Variants in GALNT17 observed in about 807,000 individuals in gnomAD.
GALNT17 encodes polypeptide N-acetylgalactosaminyltransferase 17.
GALNT17 carries 29 observed loss-of-function variants against 63.7 expected under a neutral mutation model. The ratio of observed to expected loss-of-function variants is 0.46; its 90% confidence interval spans 0.34 to 0.62. The LOEUF is 0.62. Among genes scored for constraint, GALNT17 ranks in the 20% least tolerant of loss-of-function variants. The probability of loss-of-function intolerance (pLI) is 0.01; values close to 1 mark genes in which losing one functional copy is unlikely to be tolerated. For synonymous variants in GALNT17, 305 were observed against 318.3 expected (o/e 0.96, Z 0.45); for missense variants, 603 against 799.6 (o/e 0.75, Z 2.97).
intron 1 of GALNT17, among the ~76,000 whole-genome samples, chr7:71,157,639 C>T (rs1001093672): frequency 6.0e-5 from 9 of 149,860 alleles, no homozygotes; most frequent in African/African-American, 1.5e-4. Context: ...GCCTGGGTGA[C>T]GGAGTGAGAC....
chr7:71,350,214 C>T (rs904836547), intron 2 of GALNT17, among the ~76,000 whole-genome samples: 7 of 152,184 alleles, frequency 4.6e-5, no homozygotes, highest in African/African-American at 1.7e-4. Context: ...TGCACAGGTA[C>T]TATGGGAGCT....
intron 1 of GALNT17, among the ~76,000 whole-genome samples, chr7:71,137,783 T>C (rs1268428402): frequency 1.3e-5 from 2 of 152,216 alleles, no homozygotes; most frequent in Non-Finnish European, 2.9e-5. Context: ...AGTTTCAGCG[T>C]GTTTTCGTTA....
At chr7:71,335,883 G>T in intron 2 of GALNT17, 150 bp downstream of exon 2, 3 of 660,952 alleles carry the variant, frequency 4.5e-6, no homozygotes, top group Non-Finnish European at 6.5e-6. Context: ...TAGTACTCCT[G>T]TTGCATATGA....
intron 1 of GALNT17, among the ~76,000 whole-genome samples, chr7:71,144,685 G>A (rs1562859478): frequency 6.6e-6 from 1 of 152,002 alleles, no homozygotes; most frequent in South Asian, 2.1e-4. Context: ...AGAGTGAGGA[G>A]ATGGGAGGAG....
At chr7:71,558,759 A>G (rs187998750) in intron 5 of GALNT17, among the ~76,000 whole-genome samples, 2 of 152,348 alleles carry the variant, frequency 1.3e-5, no homozygotes, top group East Asian at 3.9e-4. Context: ...CCAAAAAGTA[A>G]AAGTATTATC....
intron 3 of GALNT17, among the ~76,000 whole-genome samples, chr7:71,410,448 G>A (rs753665277): frequency 2.6e-5 from 4 of 152,116 alleles, no homozygotes; most frequent in East Asian, 1.9e-4. Context: ...GTTTCACCAC[G>A]TTGGCCAGGC....
intron 6 of GALNT17, among the ~76,000 whole-genome samples, chr7:71,652,581 C>T (rs1228927552): frequency 6.6e-6 from 1 of 152,182 alleles, no homozygotes; most frequent in African/African-American, 2.4e-5. Flanking sequence ...TTAAAATATT[C>T]TCTTTGCCAG....
At chr7:71,457,136 G>C (rs972291061) in intron 5 of GALNT17, among the ~76,000 whole-genome samples, 36 of 152,194 alleles carry the variant, frequency 2.4e-4, no homozygotes, top group African/African-American at 8.2e-4. Flanking sequence ...TTTCTGTCCT[G>C]CACCTGTGAA....
intron 2 of GALNT17, among the ~76,000 whole-genome samples, chr7:71,357,893 C>T (rs140741296): frequency 4.0e-4 from 61 of 152,232 alleles, no homozygotes; most frequent in African/African-American, 1.4e-3. Context: ...CTCTGTAAAA[C>T]GCATCAATCA....
At chr7:71,233,492 T>G (rs758666430) in intron 1 of GALNT17, among the ~76,000 whole-genome samples, 7 of 152,114 alleles carry the variant, frequency 4.6e-5, no homozygotes, top group Non-Finnish European at 1.0e-4. Flanking sequence ...CAAAGAGAGA[T>G]AGAACTGCTC....
chr7:71,149,646 G>C (rs985935833), intron 1 of GALNT17, among the ~76,000 whole-genome samples: 1 of 152,146 alleles, frequency 6.6e-6, no homozygotes, highest in Non-Finnish European at 1.5e-5. Flanking sequence ...CCCATAATTA[G>C]AACAAAATGT....
chr7:71,222,755 C>T (rs191280237), intron 1 of GALNT17, among the ~76,000 whole-genome samples: 7 of 152,098 alleles, frequency 4.6e-5, no homozygotes, highest in Admixed American at 2.0e-4. Context: ...CTACTGGTGA[C>T]GTTGTTACTG....
intron 6 of GALNT17, among the ~76,000 whole-genome samples, chr7:71,588,134 A>G (rs1294562835): frequency 6.6e-6 from 1 of 152,224 alleles, no homozygotes; most frequent in African/African-American, 2.4e-5. Context: ...AAGCTAGACA[A>G]CACTGATTTT....
Position 71,194,410 on chromosome 7 carries a change from T to C in GALNT17, c.238+61370T>C, listed in dbSNP as rs147956002. Among the ~76,000 whole-genome samples the C allele has an allele frequency of 5.6e-3, 855 of 152,272 alleles. 7 individuals are homozygous for C. Among genetic ancestry groups the C allele is most frequent in the South Asian group, 0.037 (179 of 4,822 alleles). On this transcript the variant is annotated intron_variant, in intron 1 of 10. Coordinates refer to ENST00000333538, the MANE Select transcript of GALNT17 (RefSeq NM_022479.3). ...CCTGGGAAAAGGGTATATGGGATCT[T>C]AAGAAAAGGGTAGGGGAGTTAGAGC...
chr7:71,184,432 A>G (rs1788793882), intron 1 of GALNT17, among the ~76,000 whole-genome samples: 1 of 152,194 alleles, frequency 6.6e-6, no homozygotes, highest in African/African-American at 2.4e-5. Flanking sequence ...TGACCTTTCT[A>G]GAAAGCTTAT....
chr7:71,208,449 C>G (rs1299259967), intron 1 of GALNT17, among the ~76,000 whole-genome samples: 1 of 113,468 alleles, frequency 8.8e-6, no homozygotes, highest in Non-Finnish European at 1.7e-5. Flanking sequence ...TTAATAAATG[C>G]TTTTTTTTTT....
rs4717596 is a variant in GALNT17, at chr7:71,442,956, A to C, written c.962+21851A>C. Among the ~76,000 whole-genome samples, 3 of 151,958 alleles carry C rather than the reference A, an allele frequency of 2.0e-5. No homozygotes were observed. In the East Asian group the frequency reaches 5.8e-4, roughly 29 times the overall value. ...GACTCCCAGGCTCTTAAGAACTTCAACTTAAAGGAAAGAGGAGAGAAATGT... is the reference window on the plus strand; with the variant it reads ...GACTCCCAGGCTCTTAAGAACTTCACCTTAAAGGAAAGAGGAGAGAAATGT... On this transcript the variant is annotated intron_variant, in intron 5 of 10. Transcript: ENST00000333538.
chr7:71,377,114 A>AAAAAAAAATATATATATATAT, intron 2 of GALNT17, among the ~76,000 whole-genome samples: 3 of 57,466 alleles, frequency 5.2e-5, no homozygotes, highest in African/African-American at 9.4e-5. Flanking sequence ...AAATAAAAAA[A>AAAAAAAAATATATATATATAT]ATATATATAT....
At chr7:71,432,064 A>G (rs988583776) in intron 5 of GALNT17, among the ~76,000 whole-genome samples, 8 of 151,934 alleles carry the variant, frequency 5.3e-5, no homozygotes, top group Non-Finnish European at 1.2e-4. Context: ...AATTCCAGCT[A>G]CTCGGGAAGC....
Sources: allele counts gnomAD v4.1 joint callset (sites outside exome capture counted in the v4.1 genomes callset), GRCh38; gene constraint gnomAD v4.1.1; transcripts MANE v1.5; gene names NCBI Gene and HGNC (gene_info 2026-07-23, HGNC 2026-07-21).